FGF12: variants seen among roughly 807,000 people sequenced by gnomAD.
FGF12 encodes the protein fibroblast growth factor 12B.
In FGF12, 14 loss-of-function variants were observed where a neutral mutation model predicts 23.6. That is an observed-to-expected ratio of 0.59 (90% CI 0.39 to 0.93). The LOEUF (loss-of-function observed/expected upper bound fraction) is 0.93, where lower values mean the gene tolerates loss of function less well. FGF12 is among the 40% of genes least tolerant of loss of function. The pLI, the probability that FGF12 is intolerant of heterozygous loss-of-function variation, is 0.00. For synonymous variants in FGF12, 62 were observed against 77.3 expected (o/e 0.80, Z 1.04); for missense variants, 175 against 217.8 (o/e 0.80, Z 1.24).
chr3:192,173,911 C>T (rs1715715618), intron 4 of FGF12, among the ~76,000 whole-genome samples: 1 of 152,146 alleles, frequency 6.6e-6, no homozygotes, highest in East Asian at 1.9e-4. Flanking sequence ...AATTTGGCAC[C>T]TTTATCTAAC....
intron 2 of FGF12, among the ~76,000 whole-genome samples, chr3:192,628,757 T>G (rs1169443545): frequency 6.7e-6 from 1 of 150,226 alleles, no homozygotes; most frequent in East Asian, 1.9e-4. Flanking sequence ...AAATATATAC[T>G]TTTTACTATA....
At chr3:192,412,535 A>G (rs945320958) in intron 2 of FGF12, among the ~76,000 whole-genome samples, 2 of 152,202 alleles carry the variant, frequency 1.3e-5, no homozygotes, top group Non-Finnish European at 2.9e-5. Flanking sequence ...ATCGGACAAC[A>G]AAGACTACTT....
intron 2 of FGF12, among the ~76,000 whole-genome samples, chr3:192,668,812 C>T (rs892484959): frequency 2.0e-5 from 3 of 152,082 alleles, no homozygotes; most frequent in Non-Finnish European, 4.4e-5. Flanking sequence ...ATAAAGCAAC[C>T]AGATCCAACA....
At chr3:192,474,299 C>A (rs1187754728) in intron 2 of FGF12, among the ~76,000 whole-genome samples, 2 of 152,144 alleles carry the variant, frequency 1.3e-5, no homozygotes, top group South Asian at 4.1e-4. Flanking sequence ...AGAATTTCTT[C>A]CTCTACTTCC....
intron 4 of FGF12, among the ~76,000 whole-genome samples, chr3:192,283,558 G>T (rs1345622510): frequency 6.6e-6 from 1 of 152,040 alleles, no homozygotes; most frequent in African/African-American, 2.4e-5. Context: ...AGTTATTTGT[G>T]TACACATGTT....
At chr3:192,582,719 T>C (rs1372012566) in intron 2 of FGF12, among the ~76,000 whole-genome samples, 1 of 152,072 alleles carries the variant, frequency 6.6e-6, no homozygotes, top group African/African-American at 2.4e-5. Context: ...CTTACTGTCA[T>C]TATGAACATA....
intron 2 of FGF12, among the ~76,000 whole-genome samples, chr3:192,475,773 A>G (rs1723299391): frequency 6.6e-6 from 1 of 152,304 alleles, no homozygotes; most frequent in East Asian, 1.9e-4. Context: ...ATTCACAGGG[A>G]CCGAACACAA....
intron 2 of FGF12, among the ~76,000 whole-genome samples, chr3:192,541,371 A>C (rs1160299161): frequency 6.6e-6 from 1 of 152,204 alleles, no homozygotes; most frequent in African/African-American, 2.4e-5. Context: ...TTAATGACAA[A>C]TTAACACCTA....
At chr3:192,499,076 T>C (rs952504283) in intron 2 of FGF12, among the ~76,000 whole-genome samples, 2 of 152,222 alleles carry the variant, frequency 1.3e-5, no homozygotes, top group African/African-American at 2.4e-5. Context: ...ATCCCTGATA[T>C]AGTCTTTGTG....
At chr3:192,318,286 G>A (rs1218191542) in intron 4 of FGF12, among the ~76,000 whole-genome samples, 3 of 152,114 alleles carry the variant, frequency 2.0e-5, no homozygotes, top group Non-Finnish European at 4.4e-5. Context: ...CAGAGAGATA[G>A]ACAGAATTCA....
At chr3:192,346,631 T>C (rs1717978123) in intron 3 of FGF12, among the ~76,000 whole-genome samples, 2 of 152,182 alleles carry the variant, frequency 1.3e-5, no homozygotes, top group African/African-American at 2.4e-5. Context: ...AGAACGCAGT[T>C]GGCCTTCAAT....
At chr3:192,461,391 T>C (rs1722856706) in intron 2 of FGF12, among the ~76,000 whole-genome samples, 1 of 152,156 alleles carries the variant, frequency 6.6e-6, no homozygotes. Context: ...TGGTGAGCAC[T>C]ATAGAACATA....
intron 4 of FGF12, among the ~76,000 whole-genome samples, chr3:192,202,197 A>C (rs1717405068): frequency 1.3e-5 from 2 of 152,232 alleles, no homozygotes; most frequent in Admixed American, 6.5e-5. Flanking sequence ...ATGCAGAAGG[A>C]ATGCAAGATG....
chr3:192,682,507 T>C (rs1717569087), intron 2 of FGF12, among the ~76,000 whole-genome samples: 1 of 152,206 alleles, frequency 6.6e-6, no homozygotes, highest in African/African-American at 2.4e-5. Context: ...GACTAAATGA[T>C]TTCTAAGATT....
intron 2 of FGF12, among the ~76,000 whole-genome samples, chr3:192,682,315 T>C (rs939682409): frequency 7.2e-5 from 11 of 152,142 alleles, no homozygotes; most frequent in Non-Finnish European, 1.5e-4. Context: ...CAATCCCCAT[T>C]GTTTCCCATG....
chr3:192,532,849 G>T (rs1281123446), intron 2 of FGF12, among the ~76,000 whole-genome samples: 1 of 151,924 alleles, frequency 6.6e-6, no homozygotes, highest in East Asian at 1.9e-4. Context: ...GACAATTCTT[G>T]TATTTTTAAT....
chr3:192,498,305 C>T (rs1455466901), intron 2 of FGF12, among the ~76,000 whole-genome samples: 1 of 152,194 alleles, frequency 6.6e-6, no homozygotes, highest in Non-Finnish European at 1.5e-5. Context: ...CAAAGTCCGG[C>T]ACCTACTAGA....
chr3:192,467,402 T>G (rs1375575322), intron 2 of FGF12, among the ~76,000 whole-genome samples: 3 of 152,186 alleles, frequency 2.0e-5, no homozygotes, highest in African/African-American at 4.8e-5. Context: ...GTTTACTCTT[T>G]TGTTAGTTTC....
At chr3:192,573,906 G>A (rs1712763448) in intron 2 of FGF12, among the ~76,000 whole-genome samples, 1 of 152,148 alleles carries the variant, frequency 6.6e-6, no homozygotes, top group Non-Finnish European at 1.5e-5. Flanking sequence ...CTTCATTTAA[G>A]TTAGGAACAA....
Sources: gnomAD v4.1 joint callset for allele counts (sites outside exome capture counted in the v4.1 genomes callset) on GRCh38, gnomAD v4.1.1 for gene constraint, MANE v1.5 for transcripts, NCBI Gene and HGNC (gene_info 2026-07-23, HGNC 2026-07-21) for gene names.